The following WNK1 variants were observed in gnomAD, a reference collection of about 807,000 sequenced individuals.
WNK1 encodes serine/threonine-protein kinase WNK1.
Under a neutral mutation model 222.8 loss-of-function variants are expected in WNK1, and 38 were observed. The ratio of observed to expected loss-of-function variants is 0.17; its 90% CI spans 0.13 to 0.22. The LOEUF (loss-of-function observed/expected upper bound fraction) is 0.22, where lower values mean the gene tolerates loss of function less well. Among genes scored for constraint, WNK1 ranks in the 10% least tolerant of loss-of-function variants. The probability of loss-of-function intolerance (pLI) is 1.00; values close to 1 mark genes in which losing one functional copy is unlikely to be tolerated. For missense variants in WNK1, 2,348 were observed against 2,918.4 expected (o/e 0.80, Z 4.50); for synonymous variants, 1,090 against 1,092.9 (o/e 1.00, Z 0.05).
intron 26 of WNK1, among the ~76,000 whole-genome samples, chr12:902,911 A>T (rs1365098600): frequency 6.6e-6 from 1 of 152,252 alleles, no homozygotes; most frequent in Non-Finnish European, 1.5e-5. Flanking sequence ...TTGAATAAAG[A>T]TCTTCTCTGT....
At chr12:795,400 G>C (rs189112920) in intron 1 of WNK1, among the ~76,000 whole-genome samples, 1 of 151,588 alleles carries the variant, frequency 6.6e-6, no homozygotes, top group African/African-American at 2.4e-5. Context: ...TGTCAGTGGC[G>C]GGGCCAGCTG....
intron 19 of WNK1, 38 bp downstream of exon 19, chr12:886,122 TCA>T (rs1491429524): frequency 7.0e-7 from 1 of 1,438,730 alleles, no homozygotes; most frequent in East Asian, 2.6e-5. Context: ...ATAAATATGA[TCA>T]GTTTTTTTTC....
At chr12:851,520 C>A in intron 4 of WNK1, 1 of 1,164,874 alleles carries the variant, frequency 8.6e-7, no homozygotes, top group Non-Finnish European at 1.1e-6. Flanking sequence ...CTGTTGTTGG[C>A]TGAGTAGAGC....
chr12:889,841 T>C lies in WNK1; in HGVS notation c.5449-612T>C, dbSNP rs111239824. Among the ~76,000 whole-genome samples the C allele has an allele frequency of 3.2e-4, 49 of 152,208 alleles. 3 individuals are homozygous for C. Among genetic ancestry groups the C allele is most frequent in the African/African-American group, 1.1e-3 (47 of 41,552 alleles). On this transcript the variant is annotated intron_variant, in intron 21 of 27. Transcript: ENST00000315939. The stretch of plus-strand genomic sequence containing the variant: ...CTCAAAAATAATAATAATGTTTTGA[T>C]TGAAACTGTTTTTCTGTGAATATCC...
intron 2 of WNK1, 59 bp from the exon 3 acceptor site, chr12:826,983 C>A: frequency 7.0e-7 from 1 of 1,421,148 alleles, no homozygotes; most frequent in South Asian, 1.2e-5. Context: ...TAATGGAATT[C>A]TTCAAAGCAA....
intron 1 of WNK1, among the ~76,000 whole-genome samples, chr12:792,039 T>C (rs1486563842): frequency 1.3e-5 from 2 of 152,154 alleles, no homozygotes; most frequent in African/African-American, 2.4e-5. Flanking sequence ...TTATTCCCCA[T>C]GTAGACCTAA....
At chr12:789,932 A>T (rs1016851697) in intron 1 of WNK1, among the ~76,000 whole-genome samples, 12 of 152,208 alleles carry the variant, frequency 7.9e-5, no homozygotes, top group African/African-American at 2.9e-4. Context: ...TACTGGTCAG[A>T]GTTGTGGGTC....
intron 1 of WNK1, among the ~76,000 whole-genome samples, chr12:758,694 C>A (rs530731041): frequency 6.8e-6 from 1 of 147,092 alleles, no homozygotes; most frequent in South Asian, 2.2e-4. Flanking sequence ...AAATTTGTGC[C>A]ACATTCCTTA....
chr12:779,739 A>G (rs560391767), intron 1 of WNK1, among the ~76,000 whole-genome samples: 117 of 152,242 alleles, frequency 7.7e-4, no homozygotes, highest in African/African-American at 2.7e-3. Flanking sequence ...ATTCACATAC[A>G]GCCGTGTGAA....
At chr12:860,350 C>G (rs1316768527) in intron 6 of WNK1, among the ~76,000 whole-genome samples, 2 of 152,182 alleles carry the variant, frequency 1.3e-5, no homozygotes, top group African/African-American at 4.8e-5. Context: ...GATCACTCTT[C>G]CATAAGGAAA....
chr12:907,062 G>A (rs1249909343), intron 26 of WNK1, among the ~76,000 whole-genome samples: 2 of 145,854 alleles, frequency 1.4e-5, no homozygotes, highest in Non-Finnish European at 3.0e-5. Flanking sequence ...GCTCACGTCT[G>A]TAATCCCAGC....
intron 4 of WNK1, among the ~76,000 whole-genome samples, chr12:849,602 A>G (rs12372659): frequency 0.12 from 18,539 of 152,140 alleles, 1,464 homozygotes; most frequent in Middle Eastern, 0.19. Flanking sequence ...GTTTTAGGGT[A>G]CATGTGCACA....
At position 884,317 on chromosome 12, in the gene WNK1, A is replaced by ATTACT; in HGVS notation, c.3844+74_3844+75insTTACT. 6.2e-7 allele frequency: 1 copy of ATTACT among 1,600,996 alleles called. No homozygotes were observed. The highest frequency in any genetic ancestry group is 8.6e-7 in the Non-Finnish European group (1 of 1,169,538). Reference sequence around the variant, plus strand: ...TGCTATGTTGAAAGCTTAATCATAAAGCAGTAATTTATGATGACACAGATA... The same window carrying ATTACT: ...TGCTATGTTGAAAGCTTAATCATAAATTACTGCAGTAATTTATGATGACACAGATA... On this transcript the variant is annotated intron_variant, in intron 18 of 27. Coordinates refer to ENST00000315939, the MANE Select transcript of WNK1 (RefSeq NM_018979.4). This position sits in a 1 kb window ranked among gnomAD's most constrained non-coding sequence, Gnocchi z 5.6.
At chr12:862,009 G>A (rs1565536287) in intron 7 of WNK1, 74 bp from the exon 8 acceptor site, 9 of 1,563,140 alleles carry the variant, frequency 5.8e-6, no homozygotes, top group Non-Finnish European at 7.9e-6. Context: ...GTCTAAATAT[G>A]AGAAAATGTG....
chr12:801,683 T>C (rs186721355), intron 1 of WNK1, among the ~76,000 whole-genome samples: 233 of 151,874 alleles, frequency 1.5e-3, no homozygotes, highest in Admixed American at 3.1e-3. Context: ...GCTGGGATTA[T>C]AGGTGTCAAC....
intron 23 of WNK1, 104 bp from the exon 24 acceptor site, chr12:895,965 CTT>C (rs1954703623): frequency 6.7e-7 from 1 of 1,481,998 alleles, no homozygotes; most frequent in Non-Finnish European, 9.3e-7. Context: ...TCAGCCTACT[CTT>C]TGACAGGGAA....
rs566383773 is a variant in WNK1, at chr12:868,619, T to C, written c.2140-2646T>C. The C allele has an allele frequency of 1.8e-5, 29 of 1,614,016 alleles. No individual in the cohort carries two copies. The highest frequency in any genetic ancestry group is 2.5e-5 in the Non-Finnish European group (29 of 1,179,876). ...TCATAACAATGAGAGCAGAAGCAACTGTGTATTTGAATTTCATGTTCACAC... is the reference window on the plus strand; with the variant it reads ...TCATAACAATGAGAGCAGAAGCAACCGTGTATTTGAATTTCATGTTCACAC... On this transcript the variant is annotated intron_variant, in intron 8 of 27. Transcript: ENST00000315939.
At chr12:767,233 GGTTTT>G (rs1565398493) in intron 1 of WNK1, among the ~76,000 whole-genome samples, 1 of 108,482 alleles carries the variant, frequency 9.2e-6, no homozygotes, top group Non-Finnish European at 1.8e-5. Context: ...TGGGTTGATA[GGTTTT>G]TTTTTTTTTT....
chr12:798,143 G>C lies in WNK1; in HGVS notation c.760-15499G>C, dbSNP rs576381653. The stretch of plus-strand genomic sequence containing the variant: ...TTTATACTTCCTTGTTCTGCTTCCT[G>C]GTTTTCCTGTCATTTCAAATTGCCT... On this transcript the variant is annotated intron_variant, in intron 1 of 27. Transcript: ENST00000315939. 2.0e-5 allele frequency among the ~76,000 whole-genome samples: 3 copies of C among 151,224 alleles called. No homozygotes were observed. The South Asian group carries it at 6.3e-4, about 32-fold the overall frequency.
Sources: allele counts gnomAD v4.1 joint callset (sites outside exome capture counted in the v4.1 genomes callset), GRCh38; gene constraint gnomAD v4.1.1; non-coding constraint Gnocchi (gnomAD v3.1); transcripts MANE v1.5; gene names NCBI Gene and HGNC (gene_info 2026-07-23, HGNC 2026-07-21).